The following CDH13 variants were observed in gnomAD, a reference collection of about 807,000 sequenced individuals.
CDH13 encodes the protein cadherin-13.
A neutral mutation model predicts 63.8 loss-of-function variants in CDH13; 24 were observed. The observed-to-expected ratio is 0.38, with a 90% CI of 0.27 to 0.53. The LOEUF is 0.53. CDH13 is among the 20% of genes least tolerant of loss of function. The pLI is 0.85. For synonymous variants in CDH13, 503 were observed against 355.3 expected, an observed-to-expected ratio of 1.42 and a Z score of -4.67; for missense variants, 1,049 against 903.1, an observed-to-expected ratio of 1.16 and a Z score of -2.07.
intron 13 of CDH13, among the ~76,000 whole-genome samples, chr16:83,787,944 G>A (rs1313902913): frequency 2.0e-5 from 3 of 152,160 alleles, no homozygotes; most frequent in African/African-American, 7.2e-5. Context: ...AACAACACCT[G>A]CAGAGATCCA....
intron 6 of CDH13, among the ~76,000 whole-genome samples, chr16:83,475,347 C>G (rs759782589): frequency 5.3e-5 from 8 of 152,166 alleles, no homozygotes; most frequent in Non-Finnish European, 1.0e-4. Context: ...TTGCAACTCT[C>G]TGCCGCTCCT....
At chr16:83,436,148 AGATGCCCTGCT>A in intron 6 of CDH13, among the ~76,000 whole-genome samples, 1 of 152,178 alleles carries the variant, frequency 6.6e-6, no homozygotes, top group Non-Finnish European at 1.5e-5. Context: ...GGCAAGGTGG[AGATGCCCTGCT>A]CTAGAAACTG....
chr16:83,162,048 G>C (rs1006048118), intron 4 of CDH13, among the ~76,000 whole-genome samples: 1 of 152,180 alleles, frequency 6.6e-6, no homozygotes, highest in African/African-American at 2.4e-5. Flanking sequence ...TTGTTTGGGG[G>C]TTAGGCCCAT....
chr16:83,703,031 C>T (rs903702064), intron 10 of CDH13, among the ~76,000 whole-genome samples: 2 of 152,194 alleles, frequency 1.3e-5, no homozygotes, highest in Non-Finnish European at 2.9e-5. Context: ...GCTATGGAGC[C>T]TATGTTTCCT....
At chr16:82,648,617 C>G (rs1367175655) in intron 1 of CDH13, among the ~76,000 whole-genome samples, 1 of 152,170 alleles carries the variant, frequency 6.6e-6, no homozygotes, top group Admixed American at 6.5e-5. Flanking sequence ...AGGGTGGAAT[C>G]TGAAAGGAAT....
intron 6 of CDH13, among the ~76,000 whole-genome samples, chr16:83,386,352 G>C (rs2091674614): frequency 6.6e-6 from 1 of 152,142 alleles, no homozygotes; most frequent in African/African-American, 2.4e-5. Flanking sequence ...GGAATGTTGG[G>C]GGCAGCGCTA....
intron 2 of CDH13, among the ~76,000 whole-genome samples, chr16:82,868,367 A>G (rs940991267): frequency 1.3e-5 from 2 of 152,216 alleles, no homozygotes. Flanking sequence ...ATCTAGTAGT[A>G]AGTCAATTAA....
At chr16:83,449,803 A>C (rs1330244001) in intron 6 of CDH13, among the ~76,000 whole-genome samples, 1 of 152,180 alleles carries the variant, frequency 6.6e-6, no homozygotes, top group Non-Finnish European at 1.5e-5. Context: ...TAACGCTGGG[A>C]CGTACTCTGC....
At chr16:83,182,269 CAAAG>C (rs2038371344) in intron 4 of CDH13, among the ~76,000 whole-genome samples, 1 of 152,196 alleles carries the variant, frequency 6.6e-6, no homozygotes, top group Admixed American at 6.5e-5. Flanking sequence ...TAAAGACTGA[CAAAG>C]AAAGCTTCCT....
At chr16:83,445,330 C>G (rs771232374) in intron 6 of CDH13, among the ~76,000 whole-genome samples, 2 of 103,614 alleles carry the variant, frequency 1.9e-5, no homozygotes, top group Admixed American at 9.1e-5. Flanking sequence ...TTCACCTACC[C>G]GAATCATTCT....
At chr16:82,782,965 G>A (rs772290959) in intron 1 of CDH13, among the ~76,000 whole-genome samples, 1 of 152,158 alleles carries the variant, frequency 6.6e-6, no homozygotes, top group Admixed American at 6.5e-5. Flanking sequence ...CATAGACTTT[G>A]TGGAGCTTTC....
At chr16:83,699,636 C>T (rs1305288718) in intron 10 of CDH13, among the ~76,000 whole-genome samples, 2 of 152,052 alleles carry the variant, frequency 1.3e-5, no homozygotes, top group East Asian at 1.9e-4. Flanking sequence ...TGCACACACA[C>T]GTGTATGTGC....
At position 83,051,594 on chromosome 16, in the gene CDH13, G is replaced by A. The variant is rs1236929085; in HGVS notation, c.366+19376G>A. On this transcript the variant is annotated intron_variant, in intron 3 of 13. Transcript: ENST00000567109. ...GCAAATTCCATAATTTACAATGATT[G>A]CATGTGGGTGGCTCTGTTATCTGGA... 2.0e-5 allele frequency among the ~76,000 whole-genome samples: 3 copies of A among 152,190 alleles called. No individual in the cohort carries two copies. In the East Asian group the frequency reaches 5.8e-4, roughly 29 times the overall value.
intron 2 of CDH13, among the ~76,000 whole-genome samples, chr16:83,017,455 G>C (rs946456885): frequency 4.6e-5 from 7 of 152,108 alleles, no homozygotes; most frequent in African/African-American, 1.7e-4. Flanking sequence ...CAAGGACCTG[G>C]AACTGGATTC....
intron 1 of CDH13, among the ~76,000 whole-genome samples, chr16:82,827,100 C>T (rs2038291381): frequency 6.6e-6 from 1 of 152,172 alleles, no homozygotes; most frequent in South Asian, 2.1e-4. Flanking sequence ...ATTCAGGCAA[C>T]ACAGCCTTAG....
intron 1 of CDH13, among the ~76,000 whole-genome samples, chr16:82,735,896 G>C (rs970790637): frequency 1.2e-4 from 19 of 152,166 alleles, no homozygotes; most frequent in African/African-American, 4.6e-4. Context: ...GCATGGCTTG[G>C]CTATTTACAT....
chr16:83,445,208 AG>A (rs2072641647), intron 6 of CDH13, among the ~76,000 whole-genome samples: 1 of 151,520 alleles, frequency 6.6e-6, no homozygotes, highest in Non-Finnish European at 1.5e-5. Context: ...CCCATTTTGC[AG>A]CTGAGGAAAC....
rs28559860 is a variant in CDH13 at position 83,535,700 on chromosome 16, A to T, written c.960+49045A>T. ...ACATTTAGGCCTCAGTTTCCCCAAG[A>T]TATGATAATGTTCATTTTTTTTGGA... On this transcript the variant is annotated intron_variant, in intron 7 of 13. Coordinates refer to ENST00000567109, the MANE Select transcript of CDH13 (RefSeq NM_001257.5). 1.1e-4 allele frequency among the ~76,000 whole-genome samples: 17 copies of T among 152,176 alleles called. No homozygotes were observed. In the South Asian group the frequency reaches 3.5e-3, roughly 32 times the overall value.
chr16:83,637,454 TG>T, intron 8 of CDH13, among the ~76,000 whole-genome samples: 1 of 78,834 alleles, frequency 1.3e-5, no homozygotes, highest in South Asian at 6.6e-4. Flanking sequence ...GGCGAGGCAT[TG>T]CCTCACCTGG....
Sources: gnomAD v4.1 joint callset for allele counts (sites outside exome capture counted in the v4.1 genomes callset) on GRCh38, gnomAD v4.1.1 for gene constraint, MANE v1.5 for transcripts, NCBI Gene and HGNC (gene_info 2026-07-23, HGNC 2026-07-21) for gene names.